SP140: variants seen among roughly 807,000 people sequenced by gnomAD.
SP140 encodes the protein SP140 nuclear body protein.
In SP140, 81 loss-of-function variants were observed where a neutral mutation model predicts 125.0. The ratio of observed to expected loss-of-function variants is 0.65; its 90% CI spans 0.54 to 0.78. The LOEUF is 0.78. SP140 is among the 30% of genes least tolerant of loss of function. The pLI is 0.00. For missense variants in SP140, 858 were observed against 1,037.0 expected (o/e 0.83, Z 2.37); for synonymous variants, 312 against 354.0 (o/e 0.88, Z 1.33).
At chr2:230,203,054 G>A (rs1462785012), upstream of SP140, 2 of 383,164 alleles carry the variant, frequency 5.2e-6, no homozygotes, top group Admixed American at 3.9e-5. Flanking sequence ...ACACAGTCTC[G>A]TCTAGGTGGA....
chr2:230,196,344 C>T, the SP140 span, among the ~76,000 whole-genome samples: 21 of 151,832 alleles, frequency 1.4e-4, no homozygotes, highest in Non-Finnish European at 2.8e-4. Flanking sequence ...GTGAATCATA[C>T]GTAACGTGCC....
At chr2:230,287,513 TTAAA>T (rs1402652486) in intron 17 of SP140, among the ~76,000 whole-genome samples, 1 of 152,204 alleles carries the variant, frequency 6.6e-6, no homozygotes, top group East Asian at 1.9e-4. Context: ...CTTGCAAAGA[TTAAA>T]TAAATTAATG....
rs774776535 is a variant in SP140 at position 230,269,996 on chromosome 2, GC to G, written c.1444+47del. Reference sequence around the variant, plus strand: ...CCGTGGGATGGGGGTGGCTCAGTGGGCCCCACAGACCCCCAGTAGGGTGGAG... The same window carrying G: ...CCGTGGGATGGGGGTGGCTCAGTGGGCCCACAGACCCCCAGTAGGGTGGAG... On this transcript the variant is annotated intron_variant, in intron 14 of 26. Coordinates refer to ENST00000392045, the MANE Select transcript of SP140 (RefSeq NM_007237.5). 7.0e-5 allele frequency: 92 copies of G among 1,315,856 alleles called. No homozygotes were observed. In the South Asian group the frequency reaches 7.2e-4, roughly 10 times the overall value. The allele number at this position is 1,315,856 out of a possible 1,614,324, so 81.5% of individuals were successfully genotyped here. A position where few individuals can be genotyped will look rare whatever the true frequency, so the allele number is the denominator to read the frequency against.
the SP140 span, among the ~76,000 whole-genome samples, chr2:230,195,351 T>G: frequency 3.3e-5 from 5 of 152,152 alleles, no homozygotes; most frequent in East Asian, 1.9e-4. Flanking sequence ...AAAAGTTTTT[T>G]GGGGACAGAG....
Position 230,238,268 on chromosome 2 carries a change from T to C in SP140, c.293T>C (p.Val98Ala), listed in dbSNP as rs377627551. The C allele has an allele frequency of 1.1e-4, 172 of 1,613,416 alleles. No homozygotes were observed. Among genetic ancestry groups the C allele is most frequent in the Non-Finnish European group, 1.4e-4 (165 of 1,179,506 alleles). ...CCAGTGACAAGAGTGATGTATTGTG[T>C]ACTCAGTGAACTGGAGAAGACATTT... ...LVPVTRVMYC[V>A]LSELEKTFGW... Residue 98 changes from valine to alanine, a missense_variant, in exon 3 of 27, where the codon GTA (valine) becomes GCA (alanine). Coordinates refer to ENST00000392045, the MANE Select transcript of SP140 (RefSeq NM_007237.5).
At chr2:230,284,122 C>G (rs188634014) in intron 15 of SP140, among the ~76,000 whole-genome samples, 2 of 152,112 alleles carry the variant, frequency 1.3e-5, no homozygotes, top group African/African-American at 2.4e-5. Flanking sequence ...TTCAAAGGAA[C>G]GTCATCTCCT....
At chr2:230,186,204 C>T in the SP140 span, 1 of 1,532,368 alleles carries the variant, frequency 6.5e-7, no homozygotes. Context: ...CCAGCCCCTA[C>T]CCTTTCAGGA....
intron 5 of SP140, 69 bp downstream of exon 5, chr2:230,243,880 T>C: frequency 9.3e-7 from 1 of 1,075,800 alleles, no homozygotes; most frequent in South Asian, 1.3e-5. Flanking sequence ...AGCTGGTGTT[T>C]CCTAATGCAT....
rs149661245 is a variant in SP140 at position 230,209,214 on chromosome 2, G to A, written c.-322-4440G>A. Among the ~76,000 whole-genome samples the A allele has an allele frequency of 5.3e-4, 80 of 152,262 alleles. 3 individuals are homozygous for A. The East Asian group carries it at 0.015, about 28-fold the overall frequency. ...ATCGAGCCAGGTTTGAATGACGATA[G>A]GGTCTATAGCTTGCCTTTGGGTATG... On this transcript the variant is annotated intron_variant, in intron 1 of 4. Coordinates refer to the SP140 transcript ENST00000456542.
chr2:230,215,360 T>C (rs1324069048), intron 3 of SP140, among the ~76,000 whole-genome samples: 1 of 152,166 alleles, frequency 6.6e-6, no homozygotes, highest in East Asian at 1.9e-4. Context: ...TTAAAGTAAG[T>C]CTATATTCTG....
Position 230,248,001 on chromosome 2 carries a change from C to A in SP140, c.828C>A (p.Asn276Lys). 1.9e-6 allele frequency: 3 copies of A among 1,613,704 alleles called. No homozygotes were observed. The highest frequency in any genetic ancestry group is 2.5e-6 in the Non-Finnish European group (3 of 1,179,806). ...AACAGGGAGAGGAGGAAGGCAGGAA[C>A]AGTCCCAGAAAAAGAAACCAAGACA... ...GEKQGEEEGR[N>K]SPRKRNQDKE... is the part of the protein sequence containing the mutation. Residue 276 changes from asparagine (N) to lysine (K), a missense_variant, in exon 8 of 27, where the codon AAC becomes AAA. This residue lies in a region of SP140 where 791 missense variants were observed against 869.5 expected (regional missense o/e 0.91). Coordinates refer to ENST00000392045, the MANE Select transcript of SP140 (RefSeq NM_007237.5).
At chr2:230,231,382 A>G (rs2047208846) in intron 1 of SP140, among the ~76,000 whole-genome samples, 1 of 152,216 alleles carries the variant, frequency 6.6e-6, no homozygotes, top group Admixed American at 6.5e-5. Flanking sequence ...TAAGCCTTCA[A>G]TGTGAGGTTT....
At chr2:230,278,480 G>A (rs905039566) in intron 15 of SP140, among the ~76,000 whole-genome samples, 1 of 151,814 alleles carries the variant, frequency 6.6e-6, no homozygotes, top group Non-Finnish European at 1.5e-5. Context: ...TATTTCATTT[G>A]CTGTACAAAA....
In SP140 at chr2:230,216,784, G is replaced by A. The variant is rs201435337; in HGVS notation, c.-91+2710G>A. 7.2e-5 allele frequency: 116 copies of A among 1,613,780 alleles called. No homozygotes were observed. The highest frequency in any genetic ancestry group is 9.5e-5 in the Non-Finnish European group (112 of 1,179,912). On this transcript the variant is annotated intron_variant, in intron 3 of 4. Transcript: ENST00000456542. ...GGAAGGGTTCAACATGACTCACCAT[G>A]TACATTCTCTTAGTGATGATGGAGT...
At position 230,209,916 on chromosome 2, in the gene SP140, A is replaced by G. The variant is rs372230531; in HGVS notation, c.-322-3738A>G. The G allele has an allele frequency of 2.6e-5, 40 of 1,530,560 alleles. No individual in the cohort carries two copies. The highest frequency in any genetic ancestry group is 3.6e-5 in the Non-Finnish European group (40 of 1,103,922). 94.8% of individuals were successfully genotyped at this position (1,530,560 alleles called of 1,614,324 possible). ...TTCACCCTTCTGACCTCTACAGAAG[A>G]AAGGCTTTTCTTACCTTTCTTGTCT... On this transcript the variant is annotated intron_variant, in intron 1 of 4. Coordinates refer to the SP140 transcript ENST00000456542.
chr2:230,229,489 A>C (rs1022139635), intron 1 of SP140, among the ~76,000 whole-genome samples: 1 of 58,068 alleles, frequency 1.7e-5, no homozygotes, highest in African/African-American at 6.6e-5. Context: ...TTTTTTTGAG[A>C]TGGAGTCTCA....
In SP140 at chr2:230,238,324, AG is replaced by A; in HGVS notation, c.351del (p.Ile118LeufsTer3). On this transcript the variant is annotated frameshift_variant, in exon 3 of 27. Coordinates refer to ENST00000392045, the MANE Select transcript of SP140 (RefSeq NM_007237.5). LOFTEE classifies it high-confidence loss of function. The stretch of plus-strand genomic sequence containing the variant: ...GTCACATCTGGAAGCATTGTTCAGC[AG>A]GATTAACCTGATGGCCTATCCTGAT... Reference protein sequence around the residue: ...GWSHLEALFSRINLMAYPDLN... With the variant: ...GWSHLEALFSXINLMAYPDLN... 1 of 1,614,114 alleles carries A rather than the reference AG, an allele frequency of 6.2e-7. No individual in the cohort carries two copies. Among genetic ancestry groups the A allele is most frequent in the Non-Finnish European group, 8.5e-7 (1 of 1,179,960 alleles).
intron 10 of SP140, 83 bp from the exon 11 acceptor site, chr2:230,253,233 G>T (rs535067731): frequency 6.4e-6 from 6 of 942,186 alleles, no homozygotes; most frequent in Non-Finnish European, 1.0e-5. Context: ...GAACAAGACA[G>T]GGGTGGCTCT....
intron 17 of SP140, among the ~76,000 whole-genome samples, chr2:230,286,917 C>T (rs1394097263): frequency 1.3e-5 from 2 of 152,180 alleles, no homozygotes; most frequent in Non-Finnish European, 2.9e-5. Flanking sequence ...AATGCATAGG[C>T]TGGAAAATAT....
Sources: allele counts gnomAD v4.1 joint callset (sites outside exome capture counted in the v4.1 genomes callset), GRCh38; gene constraint gnomAD v4.1.1; regional missense constraint gnomAD v4.1.1; transcripts MANE v1.5; gene names NCBI Gene and HGNC (gene_info 2026-07-23, HGNC 2026-07-21).